Variants in NSL1 observed in about 807,000 individuals in gnomAD.
NSL1 encodes the protein NSL1 component of MIS12 kinetochore complex.
NSL1 carries 11 observed loss-of-function variants against 25.4 expected under a neutral mutation model. The ratio of observed to expected loss-of-function variants is 0.43; its 90% confidence interval spans 0.27 to 0.72. The LOEUF (loss-of-function observed/expected upper bound fraction) is 0.72. Ranked by LOEUF, NSL1 falls within the 30% of genes least tolerant of loss-of-function variation. The pLI is 0.19. For synonymous variants in NSL1, 118 were observed against 120.6 expected, an observed-to-expected ratio of 0.98 and a Z score of 0.14; for missense variants, 330 against 342.7, an observed-to-expected ratio of 0.96 and a Z score of 0.29.
chr1:212,749,661 G>A (rs928135825), intron 4 of NSL1, among the ~76,000 whole-genome samples: 1 of 151,982 alleles, frequency 6.6e-6, no homozygotes, highest in African/African-American at 2.4e-5. Flanking sequence ...AGGATTCTTA[G>A]AGACTAAGCG....
intron 4 of NSL1, among the ~76,000 whole-genome samples, chr1:212,779,541 C>T (rs1247092607): frequency 9.1e-6 from 1 of 110,112 alleles, no homozygotes; most frequent in Non-Finnish European, 1.9e-5. Flanking sequence ...CCAGCCGCCC[C>T]GTCCGGGAGG....
chr1:212,740,302 A>T (rs1252309374), intron 4 of NSL1, among the ~76,000 whole-genome samples: 1 of 152,160 alleles, frequency 6.6e-6, no homozygotes, highest in African/African-American at 2.4e-5. Context: ...TTGGTCAATA[A>T]CCCAGGCAAA....
At chr1:212,787,182 T>G (rs1315449666) in intron 2 of NSL1, among the ~76,000 whole-genome samples, 1 of 151,968 alleles carries the variant, frequency 6.6e-6, no homozygotes, top group African/African-American at 2.4e-5. Flanking sequence ...AAAAATTGTC[T>G]TTTTAAGGAA....
At chr1:212,788,833 C>A (rs1440827784) in intron 1 of NSL1, among the ~76,000 whole-genome samples, 1 of 152,078 alleles carries the variant, frequency 6.6e-6, no homozygotes, top group Admixed American at 6.6e-5. Context: ...CTACGTAACA[C>A]TAACAAATAA....
chr1:212,746,523 T>A (rs945727171), intron 4 of NSL1, among the ~76,000 whole-genome samples: 1 of 152,084 alleles, frequency 6.6e-6, no homozygotes, highest in East Asian at 1.9e-4. Flanking sequence ...AATACCAAAA[T>A]AGCAAAAGTC....
intron 4 of NSL1, among the ~76,000 whole-genome samples, chr1:212,758,676 G>C (rs931843169): frequency 6.6e-6 from 1 of 152,192 alleles, no homozygotes; most frequent in African/African-American, 2.4e-5. Context: ...TCAGGGATCA[G>C]AAAACTTAAC....
chr1:212,757,006 T>A (rs1659342498), intron 4 of NSL1, among the ~76,000 whole-genome samples: 1 of 152,082 alleles, frequency 6.6e-6, no homozygotes, highest in Non-Finnish European at 1.5e-5. Flanking sequence ...CATAAGAGAA[T>A]CTGACACAGG....
chr1:212,779,246 GC>G (rs1178252248), intron 4 of NSL1, among the ~76,000 whole-genome samples: 2 of 146,892 alleles, frequency 1.4e-5, no homozygotes, highest in Non-Finnish European at 1.5e-5. Context: ...GGTGGGGTCA[GC>G]CCCCCTCCCG....
rs1481520078 is a variant in NSL1, at chr1:212,728,076, C to T, written c.*10332G>A. ...GCTGGGAAGGTGGCCAGGCACTTCCCTTCTCATCTCCACCTCTTTCTCATG... is the reference window on the plus strand; with the variant it reads ...GCTGGGAAGGTGGCCAGGCACTTCCTTTCTCATCTCCACCTCTTTCTCATG... On this transcript the variant is annotated 3_prime_UTR_variant, in exon 6 of 6. Coordinates refer to ENST00000366977, the MANE Select transcript of NSL1 (RefSeq NM_015471.4). 2.0e-6 allele frequency: 2 copies of T among 985,106 alleles called. No individual in the cohort carries two copies. Among genetic ancestry groups the T allele is most frequent in the African/African-American group, 3.5e-5 (2 of 57,230 alleles). The allele number at this position is 985,106 out of a possible 1,614,324, so 61.0% of individuals were successfully genotyped here. A position where few individuals can be genotyped will look rare whatever the true frequency, so the allele number is the denominator to read the frequency against.
chr1:212,752,064 A>T (rs1659089476), intron 4 of NSL1, among the ~76,000 whole-genome samples: 1 of 152,148 alleles, frequency 6.6e-6, no homozygotes, highest in Non-Finnish European at 1.5e-5. Flanking sequence ...CCTTCTCACC[A>T]CCAACAATGG....
chr1:212,781,173 A>G (rs1428930087), intron 4 of NSL1, among the ~76,000 whole-genome samples: 1 of 152,238 alleles, frequency 6.6e-6, no homozygotes, highest in East Asian at 1.9e-4. Context: ...TCTGAATCAT[A>G]TGATACAGAA....
intron 4 of NSL1, among the ~76,000 whole-genome samples, chr1:212,750,043 T>A (rs1438822592): frequency 1.3e-5 from 2 of 151,408 alleles, no homozygotes; most frequent in African/African-American, 2.4e-5. Flanking sequence ...CTAACCCCAG[T>A]GAGAACCCTG....
At chr1:212,759,012 C>T (rs1157387045) in intron 4 of NSL1, among the ~76,000 whole-genome samples, 2 of 152,110 alleles carry the variant, frequency 1.3e-5, no homozygotes, top group Non-Finnish European at 2.9e-5. Context: ...GACACAGATT[C>T]CAACACCATT....
intron 4 of NSL1, among the ~76,000 whole-genome samples, chr1:212,762,517 T>C (rs1358279884): frequency 6.6e-6 from 1 of 152,260 alleles, no homozygotes; most frequent in South Asian, 2.1e-4. Context: ...AGAGTCACAC[T>C]GTGAATTTTC....
rs1659535977 is a variant in NSL1, at chr1:212,760,948, C to T, written c.500-21347G>A. Among the ~76,000 whole-genome samples, 1 of 152,234 alleles carries T rather than the reference C, an allele frequency of 6.6e-6. No homozygotes were observed. Among genetic ancestry groups the T allele is most frequent in the Admixed American group, 6.5e-5 (1 of 15,284 alleles). On this transcript the variant is annotated intron_variant, in intron 4 of 5. Transcript: ENST00000366977. The surrounding 1 kb of genome is among the most constrained non-coding windows in gnomAD (Gnocchi z 4.3). ...ACCTATCATACCCTCTAGTACCAAC[C>T]ATAGCGTAAGTCACTAAGGAACTCA...
In NSL1 at chr1:212,728,005, G is replaced by A; in HGVS notation, c.*10403C>T. On this transcript the variant is annotated 3_prime_UTR_variant, in exon 6 of 6. Coordinates refer to ENST00000366977, the MANE Select transcript of NSL1 (RefSeq NM_015471.4). ...ACCACGGGGAGAAGGTGGAAGCAGAGTTTGTGGTCAGAAGGCCTCGCTCTG... is the reference window on the plus strand; with the variant it reads ...ACCACGGGGAGAAGGTGGAAGCAGAATTTGTGGTCAGAAGGCCTCGCTCTG... 1 of 985,452 alleles carries A rather than the reference G, an allele frequency of 1.0e-6. No homozygotes were observed. Among genetic ancestry groups the A allele is most frequent in the Non-Finnish European group, 1.2e-6 (1 of 829,938 alleles). 61.0% of individuals were successfully genotyped at this position (985,452 alleles called of 1,614,324 possible).
intron 4 of NSL1, among the ~76,000 whole-genome samples, chr1:212,776,859 T>TA (rs1660397783): frequency 6.6e-6 from 1 of 151,980 alleles, no homozygotes; most frequent in African/African-American, 2.4e-5. Context: ...GACTTAGAGA[T>TA]AAATGTGTAG....
chr1:212,739,291 C>A (rs1015526385), intron 5 of NSL1, among the ~76,000 whole-genome samples: 2 of 152,044 alleles, frequency 1.3e-5, no homozygotes, highest in African/African-American at 2.4e-5. Flanking sequence ...CTGCTAACAC[C>A]CAGAACACAA....
Position 212,727,109 on chromosome 1 carries a change from G to C in NSL1, c.*11299C>G. The C allele has an allele frequency of 7.1e-6, 11 of 1,560,120 alleles. No homozygotes were observed. The highest frequency in any genetic ancestry group is 9.5e-6 in the Non-Finnish European group (11 of 1,152,836). On this transcript the variant is annotated 3_prime_UTR_variant, in exon 6 of 6. Coordinates refer to ENST00000366977, the MANE Select transcript of NSL1 (RefSeq NM_015471.4). ...TCATCTTGCCAGTTCACCAGAGGCA[G>C]AAGGGATGAAGGTTCCCCGATCCCC...
Sources: allele counts gnomAD v4.1 joint callset (sites outside exome capture counted in the v4.1 genomes callset), GRCh38; gene constraint gnomAD v4.1.1; non-coding constraint Gnocchi (gnomAD v3.1); transcripts MANE v1.5; gene names NCBI Gene and HGNC (gene_info 2026-07-23, HGNC 2026-07-21).